Variants in TANGO6 observed in about 807,000 individuals in gnomAD.
TANGO6 encodes transport and Golgi organization protein 6 homolog.
TANGO6 carries 90 observed loss-of-function variants against 114.2 expected under a neutral mutation model. The ratio of observed to expected loss-of-function variants is 0.79; its 90% CI spans 0.66 to 0.94. The LOEUF (loss-of-function observed/expected upper bound fraction) is 0.94, where lower values mean the gene tolerates loss of function less well. Among genes scored for constraint, TANGO6 ranks in the 40% least tolerant of loss-of-function variants. The probability of loss-of-function intolerance (pLI) is 0.00; values close to 1 mark genes in which losing one functional copy is unlikely to be tolerated. For synonymous variants in TANGO6, 477 were observed against 509.8 expected (o/e 0.94, Z 0.87); for missense variants, 1,274 against 1,315.3 (o/e 0.97, Z 0.49).
intron 17 of TANGO6, among the ~76,000 whole-genome samples, chr16:69,065,127 G>A (rs1960194130): frequency 6.6e-6 from 1 of 152,208 alleles, no homozygotes; most frequent in Non-Finnish European, 1.5e-5. Context: ...GGGGGTGTAG[G>A]AAAGCTGCCG....
At position 69,020,898 on chromosome 16, in the gene TANGO6, GTATGTA is replaced by G. The variant is rs1213501285; in HGVS notation, c.2843-1928_2843-1923del. ...CAAGACCCACCCCCCCTTTATATAT[GTATGTA>G]TGTGTGTGTGTGTGTGTGTGTGTGT... On this transcript the variant is annotated intron_variant, in intron 15 of 17. Transcript: ENST00000261778. Among the ~76,000 whole-genome samples, 27 of 90,770 alleles carry G rather than the reference GTATGTA, an allele frequency of 3.0e-4. 1 individual carries two copies. Among genetic ancestry groups the G allele is most frequent in the African/African-American group, 9.4e-4 (24 of 25,570 alleles). The allele number at this position is 90,770 out of a possible 152,430, so 59.5% of individuals were successfully genotyped here.
chr16:68,980,409 C>CTCTCTCTCTCTCTCTCTCTATA (rs1408626276), intron 15 of TANGO6, among the ~76,000 whole-genome samples: 5 of 67,988 alleles, frequency 7.4e-5, no homozygotes, highest in South Asian at 5.3e-4. Context: ...CTCTCTCTCT[C>CTCTCTCTCTCTCTCTCTCTATA]TATATATATA....
At chr16:68,944,885 G>A (rs545929470) in intron 14 of TANGO6, among the ~76,000 whole-genome samples, 7 of 152,284 alleles carry the variant, frequency 4.6e-5, no homozygotes, top group African/African-American at 1.7e-4. Flanking sequence ...AAGTTTAGAG[G>A]TTTGGCCGGG....
chr16:68,926,078 TAAAA>T (rs67582720), intron 12 of TANGO6, among the ~76,000 whole-genome samples: 1 of 105,756 alleles, frequency 9.5e-6, no homozygotes, highest in African/African-American at 4.2e-5. Flanking sequence ...GAAGAGAAAT[TAAAA>T]AAGAGGCCAA....
intron 14 of TANGO6, among the ~76,000 whole-genome samples, chr16:68,959,995 T>A (rs1334834710): frequency 6.6e-6 from 1 of 152,234 alleles, no homozygotes; most frequent in Non-Finnish European, 1.5e-5. Flanking sequence ...TTTGTTTTCT[T>A]ACCTAAATTT....
At chr16:68,913,204 T>C (rs1278906556) in intron 11 of TANGO6, among the ~76,000 whole-genome samples, 3 of 151,870 alleles carry the variant, frequency 2.0e-5, no homozygotes, top group Non-Finnish European at 4.4e-5. Context: ...TAGCTGGGAC[T>C]ACAGGCATGC....
At chr16:68,874,177 T>A (rs1382773878) in intron 4 of TANGO6, among the ~76,000 whole-genome samples, 1 of 152,308 alleles carries the variant, frequency 6.6e-6, no homozygotes, top group African/African-American at 2.4e-5. Context: ...TTTGGAACTC[T>A]CTCTACATGT....
At chr16:69,060,906 C>T (rs1360354850) in intron 17 of TANGO6, among the ~76,000 whole-genome samples, 2 of 151,822 alleles carry the variant, frequency 1.3e-5, no homozygotes, top group African/African-American at 2.4e-5. Flanking sequence ...GCAGGTGAAT[C>T]ACTTGAACCC....
intron 7 of TANGO6, among the ~76,000 whole-genome samples, chr16:68,884,694 G>C (rs1467382950): frequency 6.6e-6 from 1 of 151,868 alleles, no homozygotes; most frequent in East Asian, 1.9e-4. Flanking sequence ...TTGGAAGTCA[G>C]TAAACTTAGA....
At position 69,083,395 on chromosome 16, in the gene TANGO6, A is replaced by T. The variant is rs1960494034; in HGVS notation, c.3109-90A>T. 2.1e-6 allele frequency: 3 copies of T among 1,398,092 alleles called. No homozygotes were observed. In the Admixed American group the frequency reaches 7.3e-5, roughly 34 times the overall value. The allele number at this position is 1,398,092 out of a possible 1,614,324, so 86.6% of individuals were successfully genotyped here. On this transcript the variant is annotated intron_variant, in intron 17 of 17. Transcript: ENST00000261778. The stretch of plus-strand genomic sequence containing the variant: ...AGGAAGTCTGTGGATGTCCTCACAG[A>T]TCTCCTCAGGCAGGAGGAGAGGGCA...
intron 15 of TANGO6, among the ~76,000 whole-genome samples, chr16:69,010,180 A>G (rs1480099411): frequency 6.6e-6 from 1 of 152,218 alleles, no homozygotes; most frequent in Non-Finnish European, 1.5e-5. Flanking sequence ...CCAAAAGATT[A>G]TCATACTCTT....
At chr16:68,930,205 A>T in intron 13 of TANGO6, 33 bp from the exon 14 acceptor site, 1 of 1,542,000 alleles carries the variant, frequency 6.5e-7, no homozygotes, top group Non-Finnish European at 8.8e-7. Flanking sequence ...TGTTCTTTGT[A>T]AATCTTATCA....
intron 15 of TANGO6, among the ~76,000 whole-genome samples, chr16:69,003,124 T>C (rs1473473705): frequency 6.6e-6 from 1 of 152,066 alleles, no homozygotes; most frequent in African/African-American, 2.4e-5. Context: ...TTTTAAGCCC[T>C]TTTTTCCCCC....
chr16:68,947,834 C>T (rs532929799), intron 14 of TANGO6, among the ~76,000 whole-genome samples: 1 of 152,114 alleles, frequency 6.6e-6, no homozygotes, highest in South Asian at 2.1e-4. Context: ...TCAGGTGATC[C>T]GCCTGCCCCG....
At chr16:69,050,491 ATTTTTTT>A (rs1257183183) in intron 17 of TANGO6, among the ~76,000 whole-genome samples, 1 of 140,486 alleles carries the variant, frequency 7.1e-6, no homozygotes, top group South Asian at 2.3e-4. Context: ...TGCCCAGCTA[ATTTTTTT>A]TTTTTTTTTG....
At chr16:68,988,671 T>TA (rs753331215) in intron 15 of TANGO6, among the ~76,000 whole-genome samples, 27 of 151,674 alleles carry the variant, frequency 1.8e-4, no homozygotes, top group Non-Finnish European at 3.7e-4. Context: ...GGTGAATAGT[T>TA]AGAGTTTAAG....
In TANGO6 at chr16:68,919,143, C is replaced by T. The variant is rs1295041389; in HGVS notation, c.2051C>T (p.Ala684Val). 1 of 1,612,728 alleles carries T rather than the reference C, an allele frequency of 6.2e-7. No homozygotes were observed. Among genetic ancestry groups the T allele is most frequent in the African/African-American group, 1.3e-5 (1 of 74,858 alleles). The change falls in exon 12 of 18, where the codon GCA becomes GTA. Residue 684 changes from alanine (A) to valine (V), a missense_variant. Around this residue, in one of 5 missense-constraint regions of TANGO6, gnomAD observed 908 missense variants for 910.2 expected, o/e 1.00. Coordinates refer to ENST00000261778, the MANE Select transcript of TANGO6 (RefSeq NM_024562.2). ...QRACASLAHQAESTVESQTLS... is the reference protein window; with the variant it reads ...QRACASLAHQVESTVESQTLS... ...GCCTGTGCAAGCCTGGCCCATCAGG[C>T]AGAGAGCACCGTGGAATCACAGACG...
intron 15 of TANGO6, among the ~76,000 whole-genome samples, chr16:69,015,957 C>G (rs1567559171): frequency 6.6e-6 from 1 of 152,164 alleles, no homozygotes; most frequent in African/African-American, 2.4e-5. Context: ...ATTGCCCACT[C>G]TCTTCTTCAC....
chr16:68,897,750 G>C (rs1159568417), intron 7 of TANGO6, among the ~76,000 whole-genome samples: 2 of 151,960 alleles, frequency 1.3e-5, no homozygotes, highest in African/African-American at 4.8e-5. Flanking sequence ...TGCTAACTTT[G>C]TATTTTTAGT....
Sources: allele counts gnomAD v4.1 joint callset (sites outside exome capture counted in the v4.1 genomes callset), GRCh38; gene constraint gnomAD v4.1.1; regional missense constraint gnomAD v4.1.1; transcripts MANE v1.5; gene names NCBI Gene and HGNC (gene_info 2026-07-23, HGNC 2026-07-21).